CHN1: variants seen among roughly 807,000 people sequenced by gnomAD.
The protein encoded by CHN1 is chimerin 1, also known as N-chimaerin.
In CHN1, 37 loss-of-function variants were observed where a neutral mutation model predicts 59.5. The ratio of observed to expected loss-of-function variants is 0.62; its 90% CI spans 0.48 to 0.82. The LOEUF is 0.82. CHN1 is among the 40% of genes least tolerant of loss of function. The pLI is 0.00. For synonymous variants in CHN1, 206 were observed against 200.4 expected, an observed-to-expected ratio of 1.03 and a Z score of -0.24; for missense variants, 469 against 571.0, an observed-to-expected ratio of 0.82 and a Z score of 1.82.
rs183339389 is a variant in CHN1, at chr2:174,914,185, A to G, written c.260+873T>C. Reference sequence around the variant, plus strand: ...AACAATACATAGAGTTGTTGCGAGGATTAAATGAGGTTAGAGGCCTGGCAT... The same window carrying G: ...AACAATACATAGAGTTGTTGCGAGGGTTAAATGAGGTTAGAGGCCTGGCAT... On this transcript the variant is annotated intron_variant, in intron 5 of 12. Transcript: ENST00000409900. Among the ~76,000 whole-genome samples the G allele has an allele frequency of 4.4e-3, 675 of 152,296 alleles. 6 individuals carry two copies. Among genetic ancestry groups the G allele is most frequent in the African/African-American group, 0.015 (637 of 41,570 alleles).
At chr2:174,846,223 T>C (rs1282305514) in intron 7 of CHN1, 2 of 1,458,696 alleles carry the variant, frequency 1.4e-6, no homozygotes, top group East Asian at 2.5e-5. Context: ...TACATACAGC[T>C]TGAATCAACA....
In CHN1 at chr2:175,005,056, C is replaced by T; in HGVS notation, c.-144G>A. 7.3e-7 allele frequency: 1 copy of T among 1,360,760 alleles called. No individual in the cohort carries two copies. The highest frequency in any genetic ancestry group is 2.8e-4 in the Middle Eastern group (1 of 3,610). The allele number at this position is 1,360,760 out of a possible 1,614,324, so 84.3% of individuals were successfully genotyped here. ...CTGGGGGCGCCGGCGCCCGGGGAGG[C>T]TGCAGGCCGGGACGCGGGGGACCGC... On this transcript the variant is annotated 5_prime_UTR_variant, in exon 1 of 13. Transcript: ENST00000409900.
In CHN1 at chr2:174,824,532, AG is replaced by A. The variant is rs1558939697; in HGVS notation, c.628-15del. On this transcript the variant is annotated splice_polypyrimidine_tract_variant and intron_variant, in intron 7 of 12. Coordinates refer to ENST00000409900, the MANE Select transcript of CHN1 (RefSeq NM_001822.7). Reference sequence around the variant, plus strand: ...GAATGTATGCACCTGAAAAAAAAAAAGAGGGGCAAAGTCAGGAAAGGGGAAA... The same window carrying A: ...GAATGTATGCACCTGAAAAAAAAAAAAGGGGCAAAGTCAGGAAAGGGGAAA... 8 of 1,555,648 alleles carry A rather than the reference AG, an allele frequency of 5.1e-6. No homozygotes were observed. The highest frequency in any genetic ancestry group is 4.2e-5 in the African/African-American group (3 of 71,852).
intron 1 of CHN1, among the ~76,000 whole-genome samples, chr2:174,955,274 A>T (rs2105417752): frequency 6.6e-6 from 1 of 150,870 alleles, no homozygotes; most frequent in Admixed American, 6.6e-5. Flanking sequence ...TATACACACC[A>T]TGGAATACAA....
rs1689593455 is a variant in CHN1 at position 174,939,451 on chromosome 2, T to A, written c.114+5437A>T. 2.0e-5 allele frequency among the ~76,000 whole-genome samples: 3 copies of A among 152,234 alleles called. 1 individual carries two copies. Among genetic ancestry groups the A allele is most frequent in the African/African-American group, 7.2e-5 (3 of 41,466 alleles). On this transcript the variant is annotated intron_variant, in intron 3 of 12. Transcript: ENST00000409900. The stretch of plus-strand genomic sequence containing the variant: ...TTGAGCCTCAATCAGCACTGCAATC[T>A]ACTGGCATTTTGCTGTTTTTATTCC...
chr2:174,970,677 C>T (rs1690730634), intron 1 of CHN1, among the ~76,000 whole-genome samples: 1 of 152,024 alleles, frequency 6.6e-6, no homozygotes, highest in Non-Finnish European at 1.5e-5. Flanking sequence ...GGCAAAAGAT[C>T]CAGTCAAATA....
intron 5 of CHN1, among the ~76,000 whole-genome samples, chr2:174,907,869 TTA>T (rs754705853): frequency 3.9e-5 from 6 of 152,160 alleles, no homozygotes; most frequent in South Asian, 2.1e-4. Context: ...GATAAAAGTT[TTA>T]TGTTTCTGAA....
In CHN1 at chr2:174,811,271, C is replaced by T. The variant is rs141138600; in HGVS notation, c.964+240G>A. 3.4e-3 allele frequency: 1,382 copies of T among 409,984 alleles called. 5 individuals are homozygous for T. Among genetic ancestry groups the T allele is most frequent in the Non-Finnish European group, 4.9e-3 (1,127 of 228,612 alleles). 25.4% of individuals were successfully genotyped at this position (409,984 alleles called of 1,614,324 possible). A position where few individuals can be genotyped will look rare whatever the true frequency, so the allele number is the denominator to read the frequency against. On this transcript the variant is annotated intron_variant, in intron 10 of 12. Transcript: ENST00000409900. ...ATGTATTTTGGTGAACATGGACCAGCCTTGGATACTCAAATATTGGTAACA... is the reference window on the plus strand; with the variant it reads ...ATGTATTTTGGTGAACATGGACCAGTCTTGGATACTCAAATATTGGTAACA...
At chr2:174,952,290 G>T in intron 1 of CHN1, 88 bp from the exon 2 acceptor site, 2 of 817,118 alleles carry the variant, frequency 2.4e-6, no homozygotes, top group Non-Finnish European at 3.6e-6. Flanking sequence ...ATATATATCT[G>T]TTGAGATCTA....
intron 11 of CHN1, among the ~76,000 whole-genome samples, chr2:174,803,956 A>G (rs1193110553): frequency 6.6e-6 from 1 of 152,246 alleles, no homozygotes; most frequent in Non-Finnish European, 1.5e-5. Context: ...CTCTGTAGGG[A>G]GAACTGTGAG....
chr2:174,826,987 T>G (rs78262617), intron 7 of CHN1, among the ~76,000 whole-genome samples: 1,740 of 152,206 alleles, frequency 0.011, 15 homozygotes, highest in Non-Finnish European at 0.017. Context: ...TAGCTCTCCA[T>G]GAAAATGTTC....
At chr2:174,858,811 C>T (rs1431969430) in intron 6 of CHN1, among the ~76,000 whole-genome samples, 2 of 151,952 alleles carry the variant, frequency 1.3e-5, no homozygotes, top group Admixed American at 1.3e-4. Flanking sequence ...TGATTTGAGG[C>T]ATCTGTACAA....
At chr2:174,882,405 T>C (rs1687764100) in intron 5 of CHN1, among the ~76,000 whole-genome samples, 1 of 152,222 alleles carries the variant, frequency 6.6e-6, no homozygotes, top group South Asian at 2.1e-4. Context: ...ATCCTTAATA[T>C]ACCATCTTTT....
At chr2:174,884,579 A>G (rs1457573945) in intron 5 of CHN1, among the ~76,000 whole-genome samples, 1 of 152,252 alleles carries the variant, frequency 6.6e-6, no homozygotes, top group African/African-American at 2.4e-5. Context: ...GAATATATAC[A>G]TACCCTACAA....
intron 1 of CHN1, among the ~76,000 whole-genome samples, chr2:174,958,030 C>T (rs1036837516): frequency 9.2e-5 from 14 of 151,878 alleles, no homozygotes; most frequent in Non-Finnish European, 1.8e-4. Context: ...AAGAAGCCAG[C>T]GACATAACTG....
intron 3 of CHN1, among the ~76,000 whole-genome samples, chr2:174,934,218 C>T (rs1177862594): frequency 6.6e-6 from 1 of 151,964 alleles, no homozygotes; most frequent in Non-Finnish European, 1.5e-5. Context: ...CAGTGGGAGC[C>T]CTGAGCTTGT....
chr2:174,858,162 A>C lies in CHN1; in HGVS notation c.550-11205T>G, dbSNP rs537162133. Among the ~76,000 whole-genome samples the C allele has an allele frequency of 1.8e-4, 28 of 152,250 alleles. No individual in the cohort carries two copies. In the South Asian group the frequency reaches 4.1e-3, roughly 23 times the overall value. ...GACTTCTGTTGATTAGGCTGGGATG[A>C]AGCCTAAGTGATTTGGTTATTTTAA... On this transcript the variant is annotated intron_variant, in intron 6 of 12. Transcript: ENST00000409900.
rs145963167 is a variant in CHN1, at chr2:174,848,948, G to C, written c.550-1991C>G. On this transcript the variant is annotated intron_variant, in intron 6 of 12. Coordinates refer to ENST00000409900, the MANE Select transcript of CHN1 (RefSeq NM_001822.7). ...TCAGATTGGACCTATTTTGTCACATGATGACTAAAAATATAACGGCCAACC... is the reference window on the plus strand; with the variant it reads ...TCAGATTGGACCTATTTTGTCACATCATGACTAAAAATATAACGGCCAACC... Among the ~76,000 whole-genome samples, 7 of 152,118 alleles carry C rather than the reference G, an allele frequency of 4.6e-5. No individual in the cohort carries two copies. The South Asian group carries it at 8.3e-4, about 18-fold the overall frequency.
chr2:174,818,607 ATTTTTATGTTACTATTAAACCACATTTT>A (rs575535378), intron 8 of CHN1, among the ~76,000 whole-genome samples: 11,000 of 152,064 alleles, frequency 0.072, 1,304 homozygotes, highest in African/African-American at 0.25. Flanking sequence ...TTGGTAGGTT[ATTTTTATGTTACTATTAAACCACATTTT>A]TTTTTATGTT....
Sources: gnomAD v4.1 joint callset for allele counts (sites outside exome capture counted in the v4.1 genomes callset) on GRCh38, gnomAD v4.1.1 for gene constraint, MANE v1.5 for transcripts, NCBI Gene and HGNC (gene_info 2026-07-23, HGNC 2026-07-21) for gene names.